TTYH1: variants seen among roughly 807,000 people sequenced by gnomAD.
The protein encoded by TTYH1 is protein tweety homolog 1.
A neutral mutation model predicts 61.2 loss-of-function variants in TTYH1; 33 were observed. The ratio of observed to expected loss-of-function variants is 0.54; its 90% CI spans 0.41 to 0.72. TTYH1 has a LOEUF of 0.72. TTYH1 is among the 30% of genes least tolerant of loss of function. The pLI is 0.00. For synonymous variants in TTYH1, 308 were observed against 266.4 expected, an observed-to-expected ratio of 1.16 and a Z score of -1.52; for missense variants, 538 against 575.8, an observed-to-expected ratio of 0.93 and a Z score of 0.67.
chr19:54,435,328 CAATT>C (rs2083521623), intron 10 of TTYH1, among the ~76,000 whole-genome samples: 2 of 152,038 alleles, frequency 1.3e-5, no homozygotes, highest in African/African-American at 4.8e-5. Flanking sequence ...GGAGGCTGGG[CAATT>C]AATTCCTGAG....
Position 54,419,899 on chromosome 19 carries a change from A to G in TTYH1, c.305+593A>G, listed in dbSNP as rs980594095. Reference sequence around the variant, plus strand: ...AGGGAGACGGACGATAAATAGATATAATCACCCTCCAAGAGCACCTCATCT... The same window carrying G: ...AGGGAGACGGACGATAAATAGATATGATCACCCTCCAAGAGCACCTCATCT... On this transcript the variant is annotated intron_variant, in intron 2 of 13. Coordinates refer to ENST00000376530, the MANE Select transcript of TTYH1 (RefSeq NM_020659.4). The surrounding 1 kb of genome is among the most constrained non-coding windows in gnomAD (Gnocchi z 6.1). Among the ~76,000 whole-genome samples the G allele has an allele frequency of 3.9e-5, 6 of 152,090 alleles. No individual in the cohort carries two copies. Among genetic ancestry groups the G allele is most frequent in the Admixed American group, 1.3e-4 (2 of 15,260 alleles).
In TTYH1 at chr19:54,421,224, G is replaced by GC. The variant is rs2083210790; in HGVS notation, c.306-48dup. 2 of 1,235,890 alleles carry GC rather than the reference G, an allele frequency of 1.6e-6. No homozygotes were observed. The highest frequency in any genetic ancestry group is 1.5e-5 in the African/African-American group (1 of 67,686). 76.6% of individuals were successfully genotyped at this position (1,235,890 alleles called of 1,614,324 possible). A position where few individuals can be genotyped will look rare whatever the true frequency, so the allele number is the denominator to read the frequency against. ...GGGGATGGGGTGGGAGGGGACGGTGGCCCCCGGGGTCCTGGGACCCGCTGA... is the reference window on the plus strand; with the variant it reads ...GGGGATGGGGTGGGAGGGGACGGTGGCCCCCCGGGGTCCTGGGACCCGCTGA... On this transcript the variant is annotated intron_variant, in intron 2 of 13. Transcript: ENST00000376530. This position sits in a 1 kb window ranked among gnomAD's most constrained non-coding sequence, Gnocchi z 4.8.
Position 54,436,586 on chromosome 19 carries a change from C to T in TTYH1, c.*296C>T. ...CGGTCCCATCCTTGGAGGGACTAAG[C>T]TGGGGGTGGGGGACATGAGTCCCCC... On this transcript the variant is annotated 3_prime_UTR_variant, in exon 14 of 14. Coordinates refer to ENST00000376530, the MANE Select transcript of TTYH1 (RefSeq NM_020659.4). This position sits in a 1 kb window ranked among gnomAD's most constrained non-coding sequence, Gnocchi z 4.3. The T allele has an allele frequency of 3.3e-6, 2 of 601,378 alleles. No individual in the cohort carries two copies. The highest frequency in any genetic ancestry group is 5.6e-5 in the East Asian group (2 of 35,842). 37.3% of individuals were successfully genotyped at this position (601,378 alleles called of 1,614,324 possible). A position where few individuals can be genotyped will look rare whatever the true frequency, so the allele number is the denominator to read the frequency against.
chr19:54,418,819 A>C, intron 1 of TTYH1: 1 of 333,266 alleles, frequency 3.0e-6, no homozygotes, highest in Non-Finnish European at 5.4e-6. Flanking sequence ...GAGAGAAGGA[A>C]ACCCAGGCTC....
chr19:54,419,377 G>C lies in TTYH1; in HGVS notation c.305+71G>C. ...AAGCTCTTTGCTGGCCTTCCTGGGG[G>C]TGTCCTCCGGGGACATGGAGGAAGC... On this transcript the variant is annotated intron_variant, in intron 2 of 13. Transcript: ENST00000376530. The surrounding 1 kb of genome is among the most constrained non-coding windows in gnomAD (Gnocchi z 6.1). The C allele has an allele frequency of 6.8e-7, 1 of 1,478,282 alleles. No individual in the cohort carries two copies. Among genetic ancestry groups the C allele is most frequent in the Non-Finnish European group, 9.2e-7 (1 of 1,090,046 alleles). The allele number at this position is 1,478,282 out of a possible 1,614,324, so 91.6% of individuals were successfully genotyped here.
chr19:54,435,781 A>C (rs1414543115), intron 11 of TTYH1, 47 bp from the exon 12 acceptor site: 2 of 1,613,168 alleles, frequency 1.2e-6, no homozygotes, highest in African/African-American at 2.7e-5. Flanking sequence ...CAGCCTCCTG[A>C]TGGGTCCCCA....
chr19:54,436,503 T>G lies in TTYH1; in HGVS notation c.*213T>G. The stretch of plus-strand genomic sequence containing the variant: ...GTAGCTGAGGGGGCAGACTAGGGAG[T>G]AGGGCTGGCAGGGGAGGGGGCAGAC... On this transcript the variant is annotated 3_prime_UTR_variant, in exon 14 of 14. Transcript: ENST00000376530. This position sits in a 1 kb window ranked among gnomAD's most constrained non-coding sequence, Gnocchi z 4.3. 9.9e-7 allele frequency: 1 copy of G among 1,005,402 alleles called. No homozygotes were observed. The highest frequency in any genetic ancestry group is 2.5e-5 in the East Asian group (1 of 39,626). The allele number at this position is 1,005,402 out of a possible 1,614,324, so 62.3% of individuals were successfully genotyped here.
rs541709060 is a variant in TTYH1, at chr19:54,423,357, C to T, written c.638+947C>T. ...GCATTACAGGCAGGCGCCACCACGCCCGGCTAATTTTTGTATTTTTAGTAG... is the reference window on the plus strand; with the variant it reads ...GCATTACAGGCAGGCGCCACCACGCTCGGCTAATTTTTGTATTTTTAGTAG... On this transcript the variant is annotated intron_variant, in intron 4 of 13. Transcript: ENST00000376530. Among the ~76,000 whole-genome samples, 12 of 152,140 alleles carry T rather than the reference C, an allele frequency of 7.9e-5. 1 individual carries two copies. In the South Asian group the frequency reaches 1.2e-3, roughly 16 times the overall value.
At chr19:54,423,712 C>T (rs962327439) in intron 4 of TTYH1, among the ~76,000 whole-genome samples, 8 of 152,082 alleles carry the variant, frequency 5.3e-5, no homozygotes, top group African/African-American at 1.4e-4. Flanking sequence ...GGGAGAGCAC[C>T]GCAGAGATAT....
Position 54,436,363 on chromosome 19 carries a change from C to G in TTYH1, c.*73C>G. 1 of 1,614,144 alleles carries G rather than the reference C, an allele frequency of 6.2e-7. No homozygotes were observed. The highest frequency in any genetic ancestry group is 8.5e-7 in the Non-Finnish European group (1 of 1,180,014). ...TCCCTGGCTGCCGGAGGAGACCCCA[C>G]TAACCCAGCCTGCCTGGGCTCTGAC... On this transcript the variant is annotated 3_prime_UTR_variant, in exon 14 of 14. Transcript: ENST00000376530. This position sits in a 1 kb window ranked among gnomAD's most constrained non-coding sequence, Gnocchi z 4.3.
rs1031116154 is a variant in TTYH1 at position 54,419,494 on chromosome 19, T to A, written c.305+188T>A. 2 of 737,086 alleles carry A rather than the reference T, an allele frequency of 2.7e-6. No homozygotes were observed. The highest frequency in any genetic ancestry group is 2.0e-5 in the Admixed American group (1 of 50,012). The allele number at this position is 737,086 out of a possible 1,614,324, so 45.7% of individuals were successfully genotyped here. A position where few individuals can be genotyped will look rare whatever the true frequency, so the allele number is the denominator to read the frequency against. The stretch of plus-strand genomic sequence containing the variant: ...AGGAAGGACTGTCCCATTTGATGGA[T>A]GGAGAAAGTGAGGCTCTGGAGAGGA... On this transcript the variant is annotated intron_variant, in intron 2 of 13. Transcript: ENST00000376530. This position sits in a 1 kb window ranked among gnomAD's most constrained non-coding sequence, Gnocchi z 6.1.
rs373523528 is a variant in TTYH1, at chr19:54,421,346, G to A, written c.375G>A (p.Ala125=). 9.3e-6 allele frequency: 15 copies of A among 1,613,728 alleles called. No homozygotes were observed. The highest frequency in any genetic ancestry group is 3.3e-5 in the Admixed American group (2 of 59,976). Residue 125 remains alanine, a synonymous_variant, in exon 3 of 14, where the codon GCG becomes GCA. Transcript: ENST00000376530. The surrounding 1 kb of genome is among the most constrained non-coding windows in gnomAD (Gnocchi z 4.8). The part of the protein sequence containing the change: ...TSDGVSQLSS[A]LLHANHTLST... The stretch of plus-strand genomic sequence containing the variant: ...ATGGGGTGTCCCAGCTCAGCTCTGC[G>A]CTGCTGCACGCCAACCACACACTCA...
chr19:54,430,406 C>G (rs953722555), intron 7 of TTYH1, 144 bp from the exon 8 acceptor site: 1 of 843,196 alleles, frequency 1.2e-6, no homozygotes, highest in Non-Finnish European at 1.9e-6. Context: ...GCGGGGCTGG[C>G]GGGTCTCTGA....
At chr19:54,433,713 A>C (rs1316314019) in intron 10 of TTYH1, 1 of 149,296 alleles carries the variant, frequency 6.7e-6, no homozygotes, top group African/African-American at 2.5e-5. Context: ...ATCTCTATTA[A>C]AAAAAAAAAA....
intron 4 of TTYH1, among the ~76,000 whole-genome samples, chr19:54,423,490 CT>C (rs2083261034): frequency 6.6e-6 from 1 of 152,180 alleles, no homozygotes; most frequent in Non-Finnish European, 1.5e-5. Flanking sequence ...TTAGCACCCT[CT>C]GGTGAAAGAG....
rs754593165 is a variant in TTYH1, at chr19:54,419,347, TC to T, written c.305+45del. 7.0e-6 allele frequency: 11 copies of T among 1,564,156 alleles called. No homozygotes were observed. Among genetic ancestry groups the T allele is most frequent in the Non-Finnish European group, 8.6e-6 (10 of 1,159,646 alleles). ...GGTGGGTGGGCGGTGGGGACAGGGC[TC>T]CCCAAGCTCTTTGCTGGCCTTCCTG... On this transcript the variant is annotated intron_variant, in intron 2 of 13. Coordinates refer to ENST00000376530, the MANE Select transcript of TTYH1 (RefSeq NM_020659.4). This position sits in a 1 kb window ranked among gnomAD's most constrained non-coding sequence, Gnocchi z 6.1.
Position 54,424,220 on chromosome 19 carries a change from CA to C in TTYH1, c.638+1811del, listed in dbSNP as rs561544064. ...GGTGGGACAGAGTCTGGCAGTTCATCAGGGGGACTGAGAAGGTGGCATTTGG... is the reference window on the plus strand; with the variant it reads ...GGTGGGACAGAGTCTGGCAGTTCATCGGGGGACTGAGAAGGTGGCATTTGG... On this transcript the variant is annotated intron_variant, in intron 4 of 13. Transcript: ENST00000376530. 2.8e-3 allele frequency among the ~76,000 whole-genome samples: 431 copies of C among 151,972 alleles called. 4 individuals are homozygous for C. The highest frequency in any genetic ancestry group is 9.3e-3 in the African/African-American group (386 of 41,470).
chr19:54,430,346 T>C (rs780938479), intron 7 of TTYH1, among the ~76,000 whole-genome samples: 33 of 151,996 alleles, frequency 2.2e-4, no homozygotes, highest in Non-Finnish European at 4.4e-4. Context: ...CCAGGGAGTA[T>C]AGGGTTGCCC....
chr19:54,417,766 ACACT>A (rs750645382), intron 1 of TTYH1, among the ~76,000 whole-genome samples: 28 of 152,104 alleles, frequency 1.8e-4, no homozygotes, highest in South Asian at 6.2e-4. Context: ...GTGCACACAC[ACACT>A]CACATGCAGT....
Sources: allele counts gnomAD v4.1 joint callset (sites outside exome capture counted in the v4.1 genomes callset), GRCh38; gene constraint gnomAD v4.1.1; non-coding constraint Gnocchi (gnomAD v3.1); transcripts MANE v1.5; gene names NCBI Gene and HGNC (gene_info 2026-07-23, HGNC 2026-07-21).